The following MTHFD1L variants were observed in gnomAD, a reference collection of about 807,000 sequenced individuals.
MTHFD1L encodes monofunctional C1-tetrahydrofolate synthase, mitochondrial.
Under a neutral mutation model 119.5 loss-of-function variants are expected in MTHFD1L, and 81 were observed. The observed-to-expected ratio is 0.68, with a 90% confidence interval of 0.57 to 0.82. MTHFD1L has a LOEUF of 0.82. MTHFD1L is among the 40% of genes least tolerant of loss of function. The pLI, the probability that MTHFD1L is intolerant of heterozygous loss-of-function variation, is 0.00. For synonymous variants in MTHFD1L, 430 were observed against 475.2 expected (o/e 0.90, Z 1.24); for missense variants, 1,125 against 1,253.4 (o/e 0.90, Z 1.55).
At chr6:150,897,854 A>T (rs183168669) in intron 7 of MTHFD1L, among the ~76,000 whole-genome samples, 4,247 of 152,032 alleles carry the variant, frequency 0.028, 166 homozygotes, top group African/African-American at 0.095. Flanking sequence ...TAAAAAAAAA[A>T]TTTTTTTGAG....
intron 4 of MTHFD1L, among the ~76,000 whole-genome samples, chr6:150,879,228 T>C (rs1353470801): frequency 6.6e-6 from 1 of 152,210 alleles, no homozygotes; most frequent in African/African-American, 2.4e-5. Context: ...ATACCAGCAG[T>C]GACAGCATGC....
chr6:150,889,647 T>C (rs1052117707), intron 7 of MTHFD1L, among the ~76,000 whole-genome samples: 3 of 151,992 alleles, frequency 2.0e-5, no homozygotes, highest in African/African-American at 7.3e-5. Flanking sequence ...GAACCCGAGG[T>C]TTAAAAGACA....
At chr6:150,947,835 G>A (rs1338158404) in intron 15 of MTHFD1L, among the ~76,000 whole-genome samples, 1 of 152,182 alleles carries the variant, frequency 6.6e-6, no homozygotes, top group Non-Finnish European at 1.5e-5. Flanking sequence ...GTGGTAGTTA[G>A]CTGTATGCTG....
At chr6:151,042,334 T>G (rs1057139843) in intron 26 of MTHFD1L, among the ~76,000 whole-genome samples, 1 of 152,248 alleles carries the variant, frequency 6.6e-6, no homozygotes, top group Non-Finnish European at 1.5e-5. Flanking sequence ...TAATGCAAGA[T>G]TCTTGAACGA....
intron 20 of MTHFD1L, among the ~76,000 whole-genome samples, chr6:150,985,804 G>A (rs778326759): frequency 6.6e-6 from 1 of 152,136 alleles, no homozygotes; most frequent in Non-Finnish European, 1.5e-5. Flanking sequence ...CGTCACTGGT[G>A]CCTCGTGCCA....
At chr6:150,879,661 A>C (rs1583337927) in intron 4 of MTHFD1L, among the ~76,000 whole-genome samples, 2 of 109,204 alleles carry the variant, frequency 1.8e-5, no homozygotes, top group African/African-American at 3.8e-5. Flanking sequence ...ACGGAGTCTC[A>C]CTCTGTCACC....
At chr6:150,916,535 G>GC (rs1374252884) in intron 8 of MTHFD1L, among the ~76,000 whole-genome samples, 1 of 129,696 alleles carries the variant, frequency 7.7e-6, no homozygotes, top group African/African-American at 3.0e-5. Context: ...CACCATGTTG[G>GC]CCAGGCTGGT....
chr6:151,096,054 C>T (rs1325790011), intron 27 of MTHFD1L, among the ~76,000 whole-genome samples: 1 of 152,166 alleles, frequency 6.6e-6, no homozygotes, highest in African/African-American at 2.4e-5. Context: ...AACCTTTATG[C>T]CCCAAACCAA....
chr6:151,034,459 T>G (rs536954674), intron 24 of MTHFD1L, 34 bp from the exon 25 acceptor site: 1 of 1,401,136 alleles, frequency 7.1e-7, no homozygotes, highest in Admixed American at 1.7e-5. Context: ...CAGATTAAAC[T>G]TATACAATTT....
chr6:151,062,330 C>T (rs948938406), intron 26 of MTHFD1L, among the ~76,000 whole-genome samples: 3 of 151,934 alleles, frequency 2.0e-5, no homozygotes, highest in Non-Finnish European at 2.9e-5. Context: ...CCCAGCTACT[C>T]GGGAGGCTGA....
chr6:151,075,517 A>C (rs934905517), intron 26 of MTHFD1L, among the ~76,000 whole-genome samples: 6 of 152,206 alleles, frequency 3.9e-5, no homozygotes, highest in Non-Finnish European at 1.5e-5. Flanking sequence ...ATAAAATTAT[A>C]GGGAAAAATA....
chr6:151,049,351 G>C (rs1399173165), intron 26 of MTHFD1L, among the ~76,000 whole-genome samples: 1 of 152,198 alleles, frequency 6.6e-6, no homozygotes, highest in Non-Finnish European at 1.5e-5. Context: ...AATTAGCCAG[G>C]TGTGGTGGCA....
chr6:151,035,668 G>T (rs1304601977), intron 25 of MTHFD1L, among the ~76,000 whole-genome samples: 8 of 146,406 alleles, frequency 5.5e-5, no homozygotes, highest in Non-Finnish European at 1.2e-4. Flanking sequence ...AGGTTGGTTT[G>T]TTTTTTTTTC....
chr6:150,907,821 T>C (rs1171910213), intron 8 of MTHFD1L, among the ~76,000 whole-genome samples: 1 of 152,120 alleles, frequency 6.6e-6, no homozygotes, highest in Non-Finnish European at 1.5e-5. Context: ...CTGGCCCAAC[T>C]GTAATAGTTT....
intron 11 of MTHFD1L, among the ~76,000 whole-genome samples, chr6:150,928,332 A>G (rs1188445372): frequency 6.9e-6 from 1 of 145,362 alleles, no homozygotes; most frequent in East Asian, 2.3e-4. Context: ...GCTACTCAGG[A>G]GGCTGAGGCA....
intron 26 of MTHFD1L, among the ~76,000 whole-genome samples, chr6:151,088,732 C>T (rs1452889198): frequency 6.7e-6 from 1 of 150,362 alleles, no homozygotes; most frequent in African/African-American, 2.4e-5. Flanking sequence ...GCTGGGATTA[C>T]AGGCATGAGC....
Position 150,956,077 on chromosome 6 carries a change from T to C in MTHFD1L, c.1803+6T>C. ...AGAAGGGCCATTACCGGCAGGTAGGTGGTGCTTTCTTCCCGGGTGTGGCTC... is the reference window on the plus strand; with the variant it reads ...AGAAGGGCCATTACCGGCAGGTAGGCGGTGCTTTCTTCCCGGGTGTGGCTC... On this transcript the variant is annotated splice_donor_region_variant and intron_variant, in intron 17 of 27. Transcript: ENST00000367321. 6.2e-7 allele frequency: 1 copy of C among 1,612,280 alleles called. No homozygotes were observed. The highest frequency in any genetic ancestry group is 1.1e-5 in the South Asian group (1 of 91,042).
At chr6:150,935,009 C>A (rs1307358493) in intron 11 of MTHFD1L, 15 of 1,607,346 alleles carry the variant, frequency 9.3e-6, no homozygotes, top group Non-Finnish European at 1.2e-5. Context: ...TCCTGTCCAA[C>A]CTGCCTTCAT....
At chr6:151,060,541 C>T (rs1790489955) in intron 26 of MTHFD1L, among the ~76,000 whole-genome samples, 1 of 152,122 alleles carries the variant, frequency 6.6e-6, no homozygotes, top group South Asian at 2.1e-4. Flanking sequence ...GAGCAGATGC[C>T]ATGGGGGGCT....
Sources: gnomAD v4.1 joint callset for allele counts (sites outside exome capture counted in the v4.1 genomes callset) on GRCh38, gnomAD v4.1.1 for gene constraint, MANE v1.5 for transcripts, NCBI Gene and HGNC (gene_info 2026-07-23, HGNC 2026-07-21) for gene names.